SDK1: variants seen among roughly 807,000 people sequenced by gnomAD.
The protein encoded by SDK1 is protein sidekick-1.
A neutral mutation model predicts 245.5 loss-of-function variants in SDK1; 157 were observed. The observed-to-expected ratio is 0.64, with a 90% CI of 0.56 to 0.73. The LOEUF (loss-of-function observed/expected upper bound fraction) is 0.73, where lower values mean the gene tolerates loss of function less well. Ranked by LOEUF, SDK1 falls within the 30% of genes least tolerant of loss-of-function variation. The pLI, the probability that SDK1 is intolerant of heterozygous loss-of-function variation, is 0.00. For missense variants in SDK1, 3,583 were observed against 3,002.3 expected, an observed-to-expected ratio of 1.19 and a Z score of -4.52; for synonymous variants, 1,647 against 1,278.5, an observed-to-expected ratio of 1.29 and a Z score of -6.15.
At chr7:3,470,762 T>C (rs953262493) in intron 1 of SDK1, among the ~76,000 whole-genome samples, 21 of 152,308 alleles carry the variant, frequency 1.4e-4, no homozygotes, top group African/African-American at 5.1e-4. Context: ...TCCCAGGCTT[T>C]TTATGAAATT....
intron 14 of SDK1, among the ~76,000 whole-genome samples, chr7:3,994,245 T>C (rs1363490551): frequency 3.3e-5 from 5 of 151,008 alleles, no homozygotes; most frequent in African/African-American, 1.2e-4. Context: ...TGTAACCAAA[T>C]GTCTTCCACA....
intron 2 of SDK1, among the ~76,000 whole-genome samples, chr7:3,631,957 G>T (rs190408320): frequency 6.6e-6 from 1 of 152,176 alleles, no homozygotes; most frequent in Non-Finnish European, 1.5e-5. Flanking sequence ...TCCATTATGC[G>T]TTGGAATGGA....
Position 3,655,448 on chromosome 7 carries a change from AATATAT to A in SDK1, c.713+13394_713+13399del, listed in dbSNP as rs1194322286. 4.4e-3 allele frequency among the ~76,000 whole-genome samples: 292 copies of A among 66,242 alleles called. 1 individual carries two copies. The highest frequency in any genetic ancestry group is 0.012 in the African/African-American group (155 of 13,354). The allele number at this position is 66,242 out of a possible 152,430, so 43.5% of individuals were successfully genotyped here. A position where few individuals can be genotyped will look rare whatever the true frequency, so the allele number is the denominator to read the frequency against. On this transcript the variant is annotated intron_variant, in intron 4 of 44. Coordinates refer to ENST00000404826, the MANE Select transcript of SDK1 (RefSeq NM_152744.4). The stretch of plus-strand genomic sequence containing the variant: ...AACTGTCTAAAAACAAAACAAAACA[AATATAT>A]ATATATATATATATATATATATATA...
At position 3,729,039 on chromosome 7, in the gene SDK1, G is replaced by A. The variant is rs146582042; in HGVS notation, c.713+86934G>A. On this transcript the variant is annotated intron_variant, in intron 4 of 44. Coordinates refer to ENST00000404826, the MANE Select transcript of SDK1 (RefSeq NM_152744.4). ...CTCCTGACCTTAGCCTTTGCGATTA[G>A]GTGCTGATTGTGTGAAATCCGGCTT... Among the ~76,000 whole-genome samples the A allele has an allele frequency of 2.3e-3, 357 of 152,338 alleles. 3 individuals carry two copies. Among genetic ancestry groups the A allele is most frequent in the African/African-American group, 8.3e-3 (345 of 41,588 alleles).
rs190484626 is a variant in SDK1, at chr7:3,531,286, A to G, written c.299-87794A>G. On this transcript the variant is annotated intron_variant, in intron 1 of 44. Coordinates refer to ENST00000404826, the MANE Select transcript of SDK1 (RefSeq NM_152744.4). ...TCTGTACGCTATGCTAATGCTTAACATAAGTCCTTTATTTACCCTTGGTTT... is the reference window on the plus strand; with the variant it reads ...TCTGTACGCTATGCTAATGCTTAACGTAAGTCCTTTATTTACCCTTGGTTT... Among the ~76,000 whole-genome samples, 43 of 152,320 alleles carry G rather than the reference A, an allele frequency of 2.8e-4. 1 individual carries two copies. The East Asian group carries it at 6.4e-3, about 23-fold the overall frequency.
intron 4 of SDK1, among the ~76,000 whole-genome samples, chr7:3,729,656 C>T (rs1424731651): frequency 6.6e-6 from 1 of 152,156 alleles, no homozygotes; most frequent in Non-Finnish European, 1.5e-5. Flanking sequence ...TGTATATATA[C>T]TTAATTTTGT....
At chr7:3,416,463 C>CTTTTT (rs5881982) in intron 1 of SDK1, among the ~76,000 whole-genome samples, 12 of 132,386 alleles carry the variant, frequency 9.1e-5, no homozygotes, top group African/African-American at 2.8e-4. Context: ...GGCTTTCGTT[C>CTTTTT]TTTTTTTTTT....
chr7:3,348,361 T>G (rs1293607952), intron 1 of SDK1, among the ~76,000 whole-genome samples: 3 of 152,292 alleles, frequency 2.0e-5, no homozygotes, highest in Admixed American at 1.3e-4. Context: ...ATATACATCA[T>G]GGACTACTAT....
chr7:3,923,342 G>A (rs1043688932), intron 5 of SDK1, among the ~76,000 whole-genome samples: 2 of 152,004 alleles, frequency 1.3e-5, no homozygotes, highest in African/African-American at 4.8e-5. Flanking sequence ...ATTAATGAAT[G>A]TGCAGGCTGT....
intron 23 of SDK1, among the ~76,000 whole-genome samples, chr7:4,112,312 G>A (rs1783401712): frequency 6.6e-6 from 1 of 152,164 alleles, no homozygotes; most frequent in Admixed American, 6.5e-5. Flanking sequence ...CCTTTCCAAA[G>A]GAGGCCATCA....
intron 20 of SDK1, among the ~76,000 whole-genome samples, chr7:4,075,222 T>G (rs774678384): frequency 2.6e-5 from 4 of 152,048 alleles, no homozygotes; most frequent in Non-Finnish European, 5.9e-5. Flanking sequence ...CCTTGTTCCT[T>G]GGAGCTCCCC....
intron 5 of SDK1, among the ~76,000 whole-genome samples, chr7:3,825,433 C>T (rs553819113): frequency 6.6e-6 from 1 of 151,884 alleles, no homozygotes; most frequent in African/African-American, 2.4e-5. Context: ...CAGTTCTGAT[C>T]CAATATTCAA....
chr7:4,106,924 G>C (rs1397246014), intron 22 of SDK1, among the ~76,000 whole-genome samples: 2 of 151,860 alleles, frequency 1.3e-5, no homozygotes, highest in African/African-American at 4.8e-5. Context: ...AGCCCACAGG[G>C]TCAGGAAGCC....
At chr7:3,454,817 A>C (rs1366707010) in intron 1 of SDK1, among the ~76,000 whole-genome samples, 3 of 152,156 alleles carry the variant, frequency 2.0e-5, no homozygotes, top group Non-Finnish European at 4.4e-5. Context: ...TTTTGTGCAG[A>C]CATCACTTTC....
At position 4,266,339 on chromosome 7, in the gene SDK1, T is replaced by C; in HGVS notation, c.*955T>C. 1.0e-6 allele frequency: 1 copy of C among 985,484 alleles called. No homozygotes were observed. The highest frequency in any genetic ancestry group is 1.2e-6 in the Non-Finnish European group (1 of 829,938). 61.0% of individuals were successfully genotyped at this position (985,484 alleles called of 1,614,324 possible). A position where few individuals can be genotyped will look rare whatever the true frequency, so the allele number is the denominator to read the frequency against. On this transcript the variant is annotated 3_prime_UTR_variant, in exon 45 of 45. Transcript: ENST00000404826. ...CTCCAGGTGCCTTTTTATTAATTGT[T>C]CAGCTTTGTACATGGGAAAGATGAA...
intron 4 of SDK1, among the ~76,000 whole-genome samples, chr7:3,764,899 A>T (rs56194378): frequency 0.087 from 13,206 of 152,082 alleles, 1,784 homozygotes; most frequent in African/African-American, 0.29. Context: ...AAAGTGCCAT[A>T]CTTTTACTTT....
At chr7:4,140,641 C>G (rs536953366) in intron 28 of SDK1, among the ~76,000 whole-genome samples, 1 of 152,304 alleles carries the variant, frequency 6.6e-6, no homozygotes, top group Admixed American at 6.5e-5. Context: ...GGACCCCAGC[C>G]CTGCCCTGTT....
At position 4,183,277 on chromosome 7, in the gene SDK1, A is replaced by C. The variant is rs1367940767; in HGVS notation, c.5098+4691A>C. On this transcript the variant is annotated intron_variant, in intron 35 of 44. Transcript: ENST00000404826. ...TAATAGTGATGTTATCTTTAGAAGC[A>C]ACTGGGAAAGTCACTAATTTTGTGA... Among the ~76,000 whole-genome samples, 3 of 152,334 alleles carry C rather than the reference A, an allele frequency of 2.0e-5. 1 individual carries two copies. The highest frequency in any genetic ancestry group is 7.2e-5 in the African/African-American group (3 of 41,584).
chr7:3,456,068 C>T (rs923361604), intron 1 of SDK1, among the ~76,000 whole-genome samples: 3 of 152,156 alleles, frequency 2.0e-5, no homozygotes, highest in Admixed American at 1.3e-4. Context: ...ACCTTCTGGT[C>T]TCCATGGTTT....
Sources: gnomAD v4.1 joint callset for allele counts (sites outside exome capture counted in the v4.1 genomes callset) on GRCh38, gnomAD v4.1.1 for gene constraint, MANE v1.5 for transcripts, NCBI Gene and HGNC (gene_info 2026-07-23, HGNC 2026-07-21) for gene names.